The following NKAIN3 variants were observed in gnomAD, a reference collection of about 807,000 sequenced individuals.
NKAIN3 encodes the protein sodium/potassium-transporting ATPase subunit beta-1-interacting protein 3.
A neutral mutation model predicts 30.2 loss-of-function variants in NKAIN3; 25 were observed. The observed-to-expected ratio is 0.83, with a 90% CI of 0.60 to 1.16. NKAIN3 has a LOEUF of 1.16. Among genes scored for constraint, NKAIN3 ranks in the 50% most tolerant of loss-of-function variants. The pLI is 0.00. For missense variants in NKAIN3, 225 were observed against 254.1 expected (o/e 0.89, Z 0.78); for synonymous variants, 91 against 89.6 (o/e 1.02, Z -0.09).
At chr8:62,657,092 A>G (rs1194899288) in intron 3 of NKAIN3, among the ~76,000 whole-genome samples, 1 of 152,172 alleles carries the variant, frequency 6.6e-6, no homozygotes, top group African/African-American at 2.4e-5. Flanking sequence ...CAGGCTAGAA[A>G]CAGTATTTAA....
chr8:62,424,804 A>G (rs767342978), intron 1 of NKAIN3, among the ~76,000 whole-genome samples: 1 of 151,958 alleles, frequency 6.6e-6, no homozygotes, highest in Non-Finnish European at 1.5e-5. Flanking sequence ...GTACTTATCC[A>G]AAAGAACTGA....
intron 1 of NKAIN3, among the ~76,000 whole-genome samples, chr8:62,293,376 C>T (rs566495534): frequency 2.0e-5 from 3 of 152,192 alleles, no homozygotes; most frequent in East Asian, 3.9e-4. Context: ...TTTTATCTAC[C>T]TTTGGTCTTT....
At chr8:62,757,195 A>T (rs567949583) in intron 4 of NKAIN3, among the ~76,000 whole-genome samples, 1 of 152,322 alleles carries the variant, frequency 6.6e-6, no homozygotes, top group African/African-American at 2.4e-5. Context: ...GGGATAATTT[A>T]ATGTCATTCA....
intron 3 of NKAIN3, among the ~76,000 whole-genome samples, chr8:62,647,964 T>C (rs1018506809): frequency 6.6e-6 from 1 of 151,632 alleles, no homozygotes; most frequent in African/African-American, 2.4e-5. Context: ...GCAGGTGGGG[T>C]GGATTTAGAG....
At chr8:62,616,249 G>C (rs1025479630) in intron 3 of NKAIN3, among the ~76,000 whole-genome samples, 1 of 151,992 alleles carries the variant, frequency 6.6e-6, no homozygotes, top group Non-Finnish European at 1.5e-5. Flanking sequence ...CACAGGTTAA[G>C]GGCTCAGTTC....
At chr8:62,951,517 A>G (rs539172738) in intron 5 of NKAIN3, among the ~76,000 whole-genome samples, 8 of 152,288 alleles carry the variant, frequency 5.3e-5, no homozygotes, top group African/African-American at 1.4e-4. Context: ...CAGTGGCACA[A>G]TCTGGGCTCA....
At chr8:62,874,049 G>A (rs1820723268) in intron 4 of NKAIN3, among the ~76,000 whole-genome samples, 1 of 151,646 alleles carries the variant, frequency 6.6e-6, no homozygotes, top group South Asian at 2.1e-4. Context: ...TTCAGGAGCT[G>A]GTTTTTTGAA....
intron 1 of NKAIN3, among the ~76,000 whole-genome samples, chr8:62,273,302 T>G (rs2083179557): frequency 2.6e-5 from 4 of 152,168 alleles, no homozygotes; most frequent in Admixed American, 2.0e-4. Flanking sequence ...TTAATTTAAT[T>G]AAAAAAATTA....
chr8:62,613,704 TTTTTATTCC>T (rs2130195063), intron 3 of NKAIN3, among the ~76,000 whole-genome samples: 1 of 152,202 alleles, frequency 6.6e-6, no homozygotes, highest in South Asian at 2.1e-4. Flanking sequence ...GTTTTATTGT[TTTTTATTCC>T]TTTTTCTCTT....
intron 1 of NKAIN3, chr8:62,383,490 G>A (rs931503866): frequency 1.3e-5 from 6 of 454,954 alleles, no homozygotes; most frequent in African/African-American, 1.2e-4. Flanking sequence ...ACTTTTGTCT[G>A]CATTAAAAAC....
intron 4 of NKAIN3, among the ~76,000 whole-genome samples, chr8:62,813,928 G>C (rs543386416): frequency 6.6e-6 from 1 of 152,050 alleles, no homozygotes; most frequent in Non-Finnish European, 1.5e-5. Context: ...ATTCTTGACT[G>C]ACAGGTTTTT....
chr8:62,889,538 T>C (rs1821241706), intron 4 of NKAIN3, among the ~76,000 whole-genome samples: 1 of 152,206 alleles, frequency 6.6e-6, no homozygotes, highest in Non-Finnish European at 1.5e-5. Flanking sequence ...CACTTCTCAC[T>C]GATAAAATCT....
intron 1 of NKAIN3, among the ~76,000 whole-genome samples, chr8:62,254,151 A>ATC (rs1259457818): frequency 1.7e-5 from 2 of 119,338 alleles, no homozygotes; most frequent in East Asian, 5.1e-4. Flanking sequence ...GTGCTTGGGT[A>ATC]TCGTGTGTGT....
intron 1 of NKAIN3, among the ~76,000 whole-genome samples, chr8:62,374,488 T>A (rs1303346096): frequency 6.6e-6 from 1 of 152,150 alleles, no homozygotes; most frequent in Non-Finnish European, 1.5e-5. Flanking sequence ...AGGAAAATGG[T>A]TTGTTAGCTT....
chr8:62,876,093 A>T (rs1820786483), intron 4 of NKAIN3, among the ~76,000 whole-genome samples: 1 of 152,224 alleles, frequency 6.6e-6, no homozygotes, highest in African/African-American at 2.4e-5. Flanking sequence ...CAAGGGTGTA[A>T]TATCCAGAAT....
intron 1 of NKAIN3, among the ~76,000 whole-genome samples, chr8:62,292,820 G>A (rs1439261311): frequency 6.6e-6 from 1 of 152,218 alleles, no homozygotes; most frequent in East Asian, 1.9e-4. Context: ...ATATCCTGAA[G>A]AGTGTTTTCC....
intron 3 of NKAIN3, among the ~76,000 whole-genome samples, chr8:62,594,817 C>T (rs1810772645): frequency 6.6e-6 from 1 of 151,368 alleles, no homozygotes; most frequent in Non-Finnish European, 1.5e-5. Context: ...TTCTTCCCTC[C>T]CTTCCTTCCT....
rs376902191 is a variant in NKAIN3, at chr8:62,398,293, C to A, written c.54+149166C>A. 5.9e-5 allele frequency among the ~76,000 whole-genome samples: 9 copies of A among 152,322 alleles called. No individual in the cohort carries two copies. In the East Asian group the frequency reaches 1.7e-3, roughly 29 times the overall value. On this transcript the variant is annotated intron_variant, in intron 1 of 6. Transcript: ENST00000623646. ...ACCCTGAATTCCATCCCTATTTAAA[C>A]ATCTGAATTTCCTGCTGTAACATCC...
chr8:62,685,729 G>T (rs952434260), intron 3 of NKAIN3, among the ~76,000 whole-genome samples: 2 of 152,152 alleles, frequency 1.3e-5, no homozygotes, highest in Non-Finnish European at 1.5e-5. Flanking sequence ...CTGCAAAAGT[G>T]TACATATGAA....
Sources: gnomAD v4.1 joint callset for allele counts (sites outside exome capture counted in the v4.1 genomes callset) on GRCh38, gnomAD v4.1.1 for gene constraint, MANE v1.5 for transcripts, NCBI Gene and HGNC (gene_info 2026-07-23, HGNC 2026-07-21) for gene names.